GVQW3: variants seen among roughly 807,000 people sequenced by gnomAD.
GVQW3 encodes the protein protein GVQW3.
A neutral mutation model predicts 12.5 loss-of-function variants in GVQW3; 7 were observed. The observed-to-expected ratio is 0.56, with a 90% CI of 0.32 to 1.05. GVQW3 has a LOEUF of 1.05. Ranked by LOEUF, GVQW3 falls within the 50% of genes least tolerant of loss-of-function variation. The pLI, the probability that GVQW3 is intolerant of heterozygous loss-of-function variation, is 0.04. For missense variants in GVQW3, 188 were observed against 190.8 expected (o/e 0.99, Z 0.09); for synonymous variants, 71 against 67.2 (o/e 1.06, Z -0.28).
rs1947022508 is a variant in GVQW3, at chr11:76,404,676, G to A, written c.*918G>A. 1 of 152,318 alleles carries A rather than the reference G, an allele frequency of 6.6e-6. No individual in the cohort carries two copies. Among genetic ancestry groups the A allele is most frequent in the Non-Finnish European group, 1.5e-5 (1 of 68,126 alleles). 9.4% of individuals were successfully genotyped at this position (152,318 alleles called of 1,614,324 possible). On this transcript the variant is annotated 3_prime_UTR_variant, in exon 2 of 2. Coordinates refer to ENST00000529331, the MANE Select transcript of GVQW3 (RefSeq NM_001347885.2). The stretch of plus-strand genomic sequence containing the variant: ...AAGCATCCTGCACATCAGGTAGAAG[G>A]AGGAAGCCCAGGCCATGGCAGGACT...
At chr11:76,393,263 C>T (rs1946909695) in intron 1 of GVQW3, among the ~76,000 whole-genome samples, 1 of 152,242 alleles carries the variant, frequency 6.6e-6, no homozygotes, top group African/African-American at 2.4e-5. Context: ...CTCTCCTGAA[C>T]AGAATGTTCC....
chr11:76,394,576 T>G (rs1946922813), intron 1 of GVQW3, among the ~76,000 whole-genome samples: 2 of 152,354 alleles, frequency 1.3e-5, no homozygotes, highest in South Asian at 4.1e-4. Context: ...CACATTTTCT[T>G]TATCTATTCA....
In GVQW3 at chr11:76,388,946, ATATC is replaced by A. The variant is rs556979398; in HGVS notation, c.465+6658_465+6661del. 2.0e-5 allele frequency among the ~76,000 whole-genome samples: 3 copies of A among 152,336 alleles called. No individual in the cohort carries two copies. In the South Asian group the frequency reaches 6.2e-4, roughly 32 times the overall value. On this transcript the variant is annotated intron_variant, in intron 1 of 1. Transcript: ENST00000529331. ...TGGTTTTCTGAAAAGCAATTTGGCA[ATATC>A]TATCAGGAGCTTTAAAAATGTTTAG...
At chr11:76,383,900 C>A (rs944550436) in intron 1 of GVQW3, 1 of 152,204 alleles carries the variant, frequency 6.6e-6, no homozygotes, top group African/African-American at 2.4e-5. Context: ...CTCTCCTAAG[C>A]CTCCAACTCT....
At chr11:76,389,560 G>A (rs1051426649) in intron 1 of GVQW3, 1 of 152,230 alleles carries the variant, frequency 6.6e-6, no homozygotes, top group African/African-American at 2.4e-5. Flanking sequence ...AAAGTGTTAA[G>A]GGAAGACACT....
At chr11:76,399,599 G>A (rs780191836) in intron 1 of GVQW3, among the ~76,000 whole-genome samples, 7 of 152,246 alleles carry the variant, frequency 4.6e-5, no homozygotes, top group Non-Finnish European at 8.8e-5. Context: ...TTCTGGATGC[G>A]TTAACATTGG....
At chr11:76,388,063 T>C (rs1946854007) in intron 1 of GVQW3, among the ~76,000 whole-genome samples, 3 of 152,230 alleles carry the variant, frequency 2.0e-5, no homozygotes, top group South Asian at 2.1e-4. Flanking sequence ...CTAAAAATGA[T>C]ATTATAAAAC....
chr11:76,387,178 G>C (rs1946842953), intron 1 of GVQW3, among the ~76,000 whole-genome samples: 1 of 152,154 alleles, frequency 6.6e-6, no homozygotes, highest in Non-Finnish European at 1.5e-5. Flanking sequence ...GCTCAGACCT[G>C]TAATCCCAGC....
intron 1 of GVQW3, among the ~76,000 whole-genome samples, chr11:76,394,432 A>G (rs964210772): frequency 6.6e-6 from 1 of 152,218 alleles, no homozygotes; most frequent in East Asian, 1.9e-4. Flanking sequence ...ATAAGTGAGA[A>G]CATGAGAGGT....
intron 1 of GVQW3, among the ~76,000 whole-genome samples, chr11:76,394,428 GA>G (rs1946921758): frequency 6.6e-6 from 1 of 151,502 alleles, no homozygotes; most frequent in Non-Finnish European, 1.5e-5. Context: ...ACAAATAAGT[GA>G]GAACATGAGA....
downstream of GVQW3, chr11:76,411,500 A>C (rs889192782): frequency 2.6e-5 from 4 of 152,244 alleles, no homozygotes; most frequent in African/African-American, 9.6e-5. Flanking sequence ...CTTTGGAGAG[A>C]GAAATGATGG....
At chr11:76,382,698 T>A (rs1223981266) in intron 1 of GVQW3, 1 of 463,848 alleles carries the variant, frequency 2.2e-6, no homozygotes, top group Non-Finnish European at 3.8e-6. Context: ...TCAACAAGTT[T>A]GGATTTCTTC....
intron 1 of GVQW3, among the ~76,000 whole-genome samples, chr11:76,390,370 A>G (rs183637728): frequency 6.6e-6 from 1 of 152,338 alleles, no homozygotes; most frequent in African/African-American, 2.4e-5. Context: ...ATTCATCTGT[A>G]AAAGGGAAGT....
intron 1 of GVQW3, chr11:76,383,193 C>T (rs1403635950): frequency 1.3e-5 from 2 of 152,254 alleles, no homozygotes; most frequent in African/African-American, 2.4e-5. Context: ...GGGAGGAAGA[C>T]CAGGTGGCTC....
At chr11:76,413,731 A>T (rs1216850894) in exon 2 of GVQW3, 1 of 152,188 alleles carries the variant, frequency 6.6e-6, no homozygotes, top group African/African-American at 2.4e-5. Context: ...TATGACAGGC[A>T]TACCAGTCTG....
At chr11:76,397,990 C>A (rs1321615107) in intron 1 of GVQW3, among the ~76,000 whole-genome samples, 2 of 151,910 alleles carry the variant, frequency 1.3e-5, no homozygotes, top group African/African-American at 4.8e-5. Flanking sequence ...TGAAAAGTAG[C>A]CTGGTGTGGT....
At chr11:76,396,325 A>T (rs1046427461) in intron 1 of GVQW3, among the ~76,000 whole-genome samples, 11 of 151,490 alleles carry the variant, frequency 7.3e-5, no homozygotes, top group African/African-American at 2.2e-4. Flanking sequence ...TATTATTATT[A>T]TTTTTTGAGA....
chr11:76,381,908 A>G lies in GVQW3; in HGVS notation c.80A>G (p.His27Arg), dbSNP rs941978658. 14 of 1,536,396 alleles carry G rather than the reference A, an allele frequency of 9.1e-6. No individual in the cohort carries two copies. Among genetic ancestry groups the G allele is most frequent in the African/African-American group, 4.1e-5 (3 of 73,062 alleles). Reference sequence around the variant, plus strand: ...AACAAGTCTGCAAGTGAGACCCACCATCTTTTAAAAGAAGCTTATGGGGAT... The same window carrying G: ...AACAAGTCTGCAAGTGAGACCCACCGTCTTTTAAAAGAAGCTTATGGGGAT... ...KLNKSASETH[H>R]LLKEAYGDEV... The change falls in exon 1 of 2, where the codon CAT becomes CGT. Residue 27 changes from histidine (H) to arginine (R), a missense_variant. Physicochemically the swap from His to Arg is conservative, Grantham distance 29. Transcript: ENST00000529331.
rs1946781165 is a variant in GVQW3, at chr11:76,382,226, G to A, written c.398G>A (p.Arg133Gln). 1 of 1,536,072 alleles carries A rather than the reference G, an allele frequency of 6.5e-7. No homozygotes were observed. The highest frequency in any genetic ancestry group is 1.2e-5 in the South Asian group (1 of 84,062). The change falls in exon 1 of 2, where the codon CGA (arginine) becomes CAA (glutamine). Residue 133 changes from arginine to glutamine, a missense_variant. Physicochemically the swap from Arg to Gln is conservative, Grantham distance 43. Coordinates refer to ENST00000529331, the MANE Select transcript of GVQW3 (RefSeq NM_001347885.2). ...SGVLKGEPKP[R>Q]KLDFRSDLSK... is the part of the protein sequence containing the mutation. Reference sequence around the variant, plus strand: ...GTTTTGAAGGGTGAGCCTAAACCACGAAAACTTGACTTTCGGTCCGATCTT... The same window carrying A: ...GTTTTGAAGGGTGAGCCTAAACCACAAAAACTTGACTTTCGGTCCGATCTT...
Sources: gnomAD v4.1 joint callset for allele counts (sites outside exome capture counted in the v4.1 genomes callset) on GRCh38, gnomAD v4.1.1 for gene constraint, MANE v1.5 for transcripts, NCBI Gene and HGNC (gene_info 2026-07-23, HGNC 2026-07-21) for gene names.